The following GRID1 variants were observed in gnomAD, a reference collection of about 807,000 sequenced individuals.
GRID1 encodes glutamate ionotropic receptor delta type subunit 1.
GRID1 carries 28 observed loss-of-function variants against 98.0 expected under a neutral mutation model. The observed-to-expected ratio is 0.29, with a 90% CI of 0.21 to 0.39. GRID1 has a LOEUF of 0.39. GRID1 is among the 10% of genes least tolerant of loss of function. The pLI, the probability that GRID1 is intolerant of heterozygous loss-of-function variation, is 1.00. For missense variants in GRID1, 1,111 were observed against 1,340.5 expected (o/e 0.83, Z 2.67); for synonymous variants, 553 against 538.5 (o/e 1.03, Z -0.37).
chr10:86,179,294 A>G (rs914105405), intron 3 of GRID1, among the ~76,000 whole-genome samples: 2 of 149,490 alleles, frequency 1.3e-5, no homozygotes, highest in African/African-American at 4.9e-5. Flanking sequence ...CCCGGACTGC[A>G]GCCCTCCTCC....
At chr10:85,852,874 G>A (rs1171456577) in intron 8 of GRID1, among the ~76,000 whole-genome samples, 1 of 152,142 alleles carries the variant, frequency 6.6e-6, no homozygotes, top group African/African-American at 2.4e-5. Context: ...TACATGGGAA[G>A]TCACAGAATA....
chr10:85,814,184 A>G (rs7895670), intron 8 of GRID1, among the ~76,000 whole-genome samples: 50,721 of 151,550 alleles, frequency 0.33, 9,184 homozygotes, highest in African/African-American at 0.46. Flanking sequence ...ATACCCTGCC[A>G]TGGGCTGCAT....
At chr10:85,819,870 C>T (rs915021117) in intron 8 of GRID1, among the ~76,000 whole-genome samples, 3 of 151,344 alleles carry the variant, frequency 2.0e-5, no homozygotes, top group African/African-American at 7.3e-5. Flanking sequence ...GCCAAGATCA[C>T]ACCATTGCAC....
chr10:86,344,660 C>A (rs1479820311), intron 2 of GRID1, among the ~76,000 whole-genome samples: 1 of 152,214 alleles, frequency 6.6e-6, no homozygotes. Context: ...CCAGGAAAGC[C>A]CTGTCTTGAC....
At chr10:85,792,274 G>T (rs903138502) in intron 8 of GRID1, among the ~76,000 whole-genome samples, 1 of 152,232 alleles carries the variant, frequency 6.6e-6, no homozygotes. Flanking sequence ...GCAGCAGGAA[G>T]AAACAAGTTG....
At position 85,821,537 on chromosome 10, in the gene GRID1, A is replaced by AGC. The variant is rs1175800868; in HGVS notation, c.1233+32958_1233+32959insGC. Among the ~76,000 whole-genome samples the AGC allele has an allele frequency of 1.4e-5, 2 of 145,590 alleles. 1 individual carries two copies. The highest frequency in any genetic ancestry group is 3.0e-5 in the Non-Finnish European group (2 of 66,430). On this transcript the variant is annotated intron_variant, in intron 8 of 15. Coordinates refer to ENST00000327946, the MANE Select transcript of GRID1 (RefSeq NM_017551.3). ...ATCTCAAAAAAAAAAAAAAAAAAAA[A>AGC]AAAAAAAAGAAAACAGATCAATAGT...
intron 4 of GRID1, among the ~76,000 whole-genome samples, chr10:85,958,211 T>C (rs191073166): frequency 1.7e-3 from 254 of 152,352 alleles, no homozygotes; most frequent in African/African-American, 5.4e-3. Flanking sequence ...GTAACTTTTT[T>C]ACTGATGACA....
At chr10:85,879,341 C>A (rs1589285199) in intron 5 of GRID1, among the ~76,000 whole-genome samples, 2 of 152,200 alleles carry the variant, frequency 1.3e-5, no homozygotes, top group East Asian at 3.9e-4. Context: ...CCACACCACA[C>A]CTATTCCAAA....
intron 8 of GRID1, among the ~76,000 whole-genome samples, chr10:85,844,617 T>C (rs74604616): frequency 0.033 from 5,019 of 152,216 alleles, 124 homozygotes; most frequent in Non-Finnish European, 0.047. Flanking sequence ...TACTATTTAT[T>C]AAAACTGCAT....
intron 2 of GRID1, among the ~76,000 whole-genome samples, chr10:86,223,066 G>C (rs1846282970): frequency 6.6e-6 from 1 of 152,190 alleles, no homozygotes; most frequent in South Asian, 2.1e-4. Flanking sequence ...ACCTGCTTCT[G>C]GGGAGCACTA....
intron 2 of GRID1, among the ~76,000 whole-genome samples, chr10:86,258,686 C>T (rs993446000): frequency 6.6e-6 from 1 of 152,150 alleles, no homozygotes; most frequent in African/African-American, 2.4e-5. Flanking sequence ...GTCACATGGC[C>T]AAGGATGACA....
At chr10:85,656,382 A>T (rs1840895008) in intron 12 of GRID1, among the ~76,000 whole-genome samples, 1 of 152,130 alleles carries the variant, frequency 6.6e-6, no homozygotes, top group South Asian at 2.1e-4. Flanking sequence ...GGGTCAGACC[A>T]CTGATCCCTG....
In GRID1 at chr10:86,231,391, T is replaced by C. The variant is rs534710922; in HGVS notation, c.236-24743A>G. On this transcript the variant is annotated intron_variant, in intron 2 of 15. Coordinates refer to ENST00000327946, the MANE Select transcript of GRID1 (RefSeq NM_017551.3). ...GAAGCAGGGCCAAGTCATTCTGCAC[T>C]CCGGACAGAGGCTCTGGCTCTAATG... 3.9e-5 allele frequency among the ~76,000 whole-genome samples: 6 copies of C among 152,212 alleles called. No homozygotes were observed. The East Asian group carries it at 1.2e-3, about 30-fold the overall frequency.
At chr10:85,614,689 G>A (rs955347356) in intron 14 of GRID1, among the ~76,000 whole-genome samples, 4 of 152,146 alleles carry the variant, frequency 2.6e-5, no homozygotes, top group Non-Finnish European at 5.9e-5. Flanking sequence ...TGATATGGGA[G>A]CAGGCATTAG....
In GRID1 at chr10:85,602,797, C is replaced by T. The variant is rs950805827; in HGVS notation, c.2602-96G>A. ...GATGTCTGTAGTCACCAGGCCTGGT[C>T]AGCCTGTTGGGCTGTGGGCGAGTAT... On this transcript the variant is annotated intron_variant, in intron 15 of 15. Transcript: ENST00000327946. 2.2e-5 allele frequency: 19 copies of T among 870,464 alleles called. No individual in the cohort carries two copies. The African/African-American group carries it at 2.9e-4, about 13-fold the overall frequency. 53.9% of individuals were successfully genotyped at this position (870,464 alleles called of 1,614,324 possible). A position where few individuals can be genotyped will look rare whatever the true frequency, so the allele number is the denominator to read the frequency against.
intron 15 of GRID1, among the ~76,000 whole-genome samples, chr10:85,609,124 T>G (rs1442148385): frequency 6.6e-6 from 1 of 152,220 alleles, no homozygotes; most frequent in Non-Finnish European, 1.5e-5. Flanking sequence ...TTGACAAGCT[T>G]GCGCCTGGGA....
At chr10:86,068,869 C>A (rs1425115761) in intron 4 of GRID1, among the ~76,000 whole-genome samples, 1 of 151,970 alleles carries the variant, frequency 6.6e-6, no homozygotes, top group Admixed American at 6.6e-5. Flanking sequence ...AGGCAGCATG[C>A]GTGATCAGGA....
rs531930671 is a variant in GRID1, at chr10:85,754,734, A to T, written c.1234-25120T>A. ...AGAAAGACAACAAGGCATAATAAAT[A>T]GAGGCTGGGTTTGGGGGTCAAACTT... On this transcript the variant is annotated intron_variant, in intron 8 of 15. Transcript: ENST00000327946. Among the ~76,000 whole-genome samples, 51 of 152,310 alleles carry T rather than the reference A, an allele frequency of 3.3e-4. No homozygotes were observed. The South Asian group carries it at 7.5e-3, about 22-fold the overall frequency.
chr10:85,954,346 G>C (rs1190592070), intron 4 of GRID1, among the ~76,000 whole-genome samples: 1 of 152,126 alleles, frequency 6.6e-6, no homozygotes, highest in Non-Finnish European at 1.5e-5. Context: ...AGCATGCCAA[G>C]TTACTCTAAA....
Sources: allele counts gnomAD v4.1 joint callset (sites outside exome capture counted in the v4.1 genomes callset), GRCh38; gene constraint gnomAD v4.1.1; transcripts MANE v1.5; gene names NCBI Gene and HGNC (gene_info 2026-07-23, HGNC 2026-07-21).